The following PHF8 variants were observed in gnomAD, a reference collection of about 807,000 sequenced individuals.
PHF8 encodes the protein histone lysine demethylase PHF8.
PHF8 carries 9 observed loss-of-function variants against 74.4 expected under a neutral mutation model. That is an observed-to-expected ratio of 0.12 (90% CI 0.07 to 0.21). The LOEUF is 0.21. PHF8 is among the 10% of genes least tolerant of loss of function. The probability of loss-of-function intolerance (pLI) is 1.00; values close to 1 mark genes in which losing one functional copy is unlikely to be tolerated. For synonymous variants in PHF8, 311 were observed against 316.6 expected (o/e 0.98, Z 0.19); for missense variants, 478 against 816.6 (o/e 0.59, Z 5.05).
At chrX:54,043,663 CT>C in intron 1 of PHF8, 98 bp downstream of exon 1, 1 of 201,594 alleles carries the variant, frequency 5.0e-6, no homozygotes, top group Non-Finnish European at 7.5e-6. Flanking sequence ...GCAGCCCCCC[CT>C]CAAACTGATG....
At chrX:54,015,167 T>G (rs2066042244) in intron 6 of PHF8, among the ~76,000 whole-genome samples, 1 of 111,809 alleles carries the variant, frequency 8.9e-6, no homozygotes, top group African/African-American at 3.3e-5. Flanking sequence ...TCTCTCTTTT[T>G]TTTTTGGCTT....
intron 2 of PHF8, among the ~76,000 whole-genome samples, chrX:54,031,624 C>T (rs1270695194): frequency 9.1e-6 from 1 of 109,733 alleles, no homozygotes; most frequent in African/African-American, 3.3e-5. Context: ...CTTTTGTGAT[C>T]CCCTCAGTCT....
At chrX:54,023,586 G>A (rs186437953) in intron 2 of PHF8, among the ~76,000 whole-genome samples, 2 of 109,293 alleles carry the variant, frequency 1.8e-5, no homozygotes, top group Admixed American at 9.9e-5. Flanking sequence ...AAACACCTAG[G>A]CCAGTCACAG....
chrX:53,972,287 C>T (rs1308508842), intron 18 of PHF8, among the ~76,000 whole-genome samples: 1 of 92,248 alleles, frequency 1.1e-5, no homozygotes, highest in Non-Finnish European at 2.1e-5. Flanking sequence ...CACGTCACTG[C>T]ACTTCAGCCT....
intron 8 of PHF8, among the ~76,000 whole-genome samples, chrX:54,003,430 G>A (rs782279145): frequency 6.3e-5 from 7 of 111,643 alleles, no homozygotes; most frequent in Non-Finnish European, 1.1e-4. Flanking sequence ...GCCGAGGCGG[G>A]TGGGTCACCT....
At chrX:54,018,613 C>T (rs1485562477) in intron 4 of PHF8, among the ~76,000 whole-genome samples, 2 of 109,274 alleles carry the variant, frequency 1.8e-5, no homozygotes, top group African/African-American at 3.4e-5. Context: ...AAGCTCAATG[C>T]CTATCTCATT....
At chrX:54,020,002 T>C (rs2066141513) in intron 4 of PHF8, among the ~76,000 whole-genome samples, 3 of 108,798 alleles carry the variant, frequency 2.8e-5, no homozygotes, top group African/African-American at 1.0e-4. Flanking sequence ...CTGGCCAACA[T>C]GGTAAAAACC....
rs2066430039 is a variant in PHF8 at position 54,035,141 on chromosome X, GA to G, written c.98+7489del. 4.6e-5 allele frequency among the ~76,000 whole-genome samples: 5 copies of G among 107,678 alleles called. No homozygotes were observed. The South Asian group carries it at 2.0e-3, about 43-fold the overall frequency. 93.5% of individuals were successfully genotyped at this position (107,678 alleles called of 115,157 possible). The stretch of plus-strand genomic sequence containing the variant: ...TGGGAGGCTGAGGCGGGCAGATCAT[GA>G]GGTCAGGAGTTCGAGACCAACCTGG... On this transcript the variant is annotated intron_variant, in intron 2 of 21. Transcript: ENST00000338154.
At chrX:54,035,397 C>T (rs1214706066) in intron 2 of PHF8, among the ~76,000 whole-genome samples, 2 of 108,003 alleles carry the variant, frequency 1.9e-5, no homozygotes, top group African/African-American at 6.9e-5. Context: ...TTCTACTCTT[C>T]AATCAAACTG....
intron 2 of PHF8, among the ~76,000 whole-genome samples, chrX:54,033,578 T>A (rs1293627287): frequency 9.0e-6 from 1 of 111,526 alleles, no homozygotes; most frequent in East Asian, 2.8e-4. Flanking sequence ...CTGGGCGTGG[T>A]GGCATGTGCC....
chrX:53,950,080 A>C (rs2064899865), intron 19 of PHF8, among the ~76,000 whole-genome samples: 1 of 111,473 alleles, frequency 9.0e-6, no homozygotes, highest in African/African-American at 3.3e-5. Flanking sequence ...CCTGGAAAGC[A>C]CTTGATTCAA....
chrX:54,035,548 G>A (rs1448057906), intron 2 of PHF8, among the ~76,000 whole-genome samples: 1 of 110,336 alleles, frequency 9.1e-6, no homozygotes, highest in Non-Finnish European at 1.9e-5. Context: ...TTGGGAGGCT[G>A]AGGTGGGAGG....
Position 54,005,989 on chromosome X carries a change from T to A in PHF8, c.947-3307A>T, listed in dbSNP as rs782130245. ...TCTCTTGAGTTTTCTAAATTATGTTTCATAGGGAAAGCAAAAATTATAAAA... is the reference window on the plus strand; with the variant it reads ...TCTCTTGAGTTTTCTAAATTATGTTACATAGGGAAAGCAAAAATTATAAAA... On this transcript the variant is annotated intron_variant, in intron 8 of 21. Coordinates refer to ENST00000338154, the MANE Select transcript of PHF8 (RefSeq NM_015107.3). Among the ~76,000 whole-genome samples, 35 of 112,075 alleles carry A rather than the reference T, an allele frequency of 3.1e-4. No individual in the cohort carries two copies. In the South Asian group the frequency reaches 0.013, roughly 41 times the overall value.
At chrX:53,954,505 AAAAAAAAAAAAAAAAAAAAG>A (rs2064982501) in intron 19 of PHF8, among the ~76,000 whole-genome samples, 1 of 103,782 alleles carries the variant, frequency 9.6e-6, no homozygotes, top group East Asian at 2.9e-4. Context: ...GTCTCAAAAA[AAAAAAAAAAAAAAAAAAAAG>A]AAAAGAAAAA....
chrX:53,995,701 G>A lies in PHF8; in HGVS notation c.1315C>T (p.Leu439=). The A allele has an allele frequency of 1.7e-6, 2 of 1,184,069 alleles. No homozygotes were observed. Among genetic ancestry groups the A allele is most frequent in the Non-Finnish European group, 2.3e-6 (2 of 870,762 alleles). Residue 439 remains leucine, a synonymous_variant, in exon 12 of 22, where the codon CTG becomes TTG. Transcript: ENST00000338154. Reference sequence around the variant, plus strand: ...TGCCCCATGCTCCTTACTTCCACCAGGCGGATCTCCCTGGCCAGATCTTTA... The same window carrying A: ...TGCCCCATGCTCCTTACTTCCACCAAGCGGATCTCCCTGGCCAGATCTTTA... The part of the protein sequence containing the change: ...LIKDLAREIR[L]VEDIFQQNVG...
chrX:54,026,317 G>A (rs2066265467), intron 2 of PHF8, among the ~76,000 whole-genome samples: 1 of 98,312 alleles, frequency 1.0e-5, no homozygotes, highest in Non-Finnish European at 2.0e-5. Flanking sequence ...TCATGCCACT[G>A]CACTCTAGCC....
At chrX:54,033,999 T>C (rs2066407416) in intron 2 of PHF8, among the ~76,000 whole-genome samples, 1 of 111,169 alleles carries the variant, frequency 9.0e-6, no homozygotes, top group Non-Finnish European at 1.9e-5. Flanking sequence ...GAAAAGAATC[T>C]AACAGAATTT....
intron 20 of PHF8, chrX:53,942,715 A>C (rs1399858486): frequency 6.8e-6 from 5 of 737,503 alleles, no homozygotes; most frequent in Non-Finnish European, 8.0e-6. Context: ...CTCTGAAATA[A>C]AGTGGTGGTA....
At chrX:53,959,863 CA>C (rs782111007) in intron 19 of PHF8, among the ~76,000 whole-genome samples, 329 of 23,102 alleles carry the variant, frequency 0.014, no homozygotes, top group African/African-American at 0.036. Flanking sequence ...GTTTCTGCCT[CA>C]AAAAAAAAAA....
Sources: gnomAD v4.1 joint callset for allele counts (sites outside exome capture counted in the v4.1 genomes callset) on GRCh38, gnomAD v4.1.1 for gene constraint, MANE v1.5 for transcripts, NCBI Gene and HGNC (gene_info 2026-07-23, HGNC 2026-07-21) for gene names.